CDK14: variants seen among roughly 807,000 people sequenced by gnomAD.
CDK14 encodes cyclin dependent kinase 14, also known as cyclin-dependent kinase 14.
In CDK14, 34 loss-of-function variants were observed where a neutral mutation model predicts 60.7. The ratio of observed to expected loss-of-function variants is 0.56; its 90% CI spans 0.43 to 0.75. The LOEUF (loss-of-function observed/expected upper bound fraction) is 0.75. Ranked by LOEUF, CDK14 falls within the 30% of genes least tolerant of loss-of-function variation. The pLI is 0.00. For synonymous variants in CDK14, 197 were observed against 203.7 expected (o/e 0.97, Z 0.28); for missense variants, 482 against 564.1 (o/e 0.85, Z 1.47).
intron 2 of CDK14, among the ~76,000 whole-genome samples, chr7:90,606,225 G>T (rs1209449102): frequency 6.6e-6 from 1 of 152,172 alleles, no homozygotes; most frequent in African/African-American, 2.4e-5. Context: ...AAGACTCAAG[G>T]CCAGAAAATC....
chr7:90,922,421 G>A (rs1049791965), intron 8 of CDK14, among the ~76,000 whole-genome samples: 1 of 151,756 alleles, frequency 6.6e-6, no homozygotes, highest in African/African-American at 2.4e-5. Flanking sequence ...CCAAAGAAAG[G>A]GTTTTTTTTT....
intron 11 of CDK14, among the ~76,000 whole-genome samples, chr7:91,073,023 A>G (rs1273204662): frequency 6.6e-6 from 1 of 152,202 alleles, no homozygotes; most frequent in Non-Finnish European, 1.5e-5. Context: ...AACTATGTAA[A>G]AAGACAGAAC....
chr7:90,968,381 A>G (rs1794819390), intron 9 of CDK14, among the ~76,000 whole-genome samples: 1 of 152,226 alleles, frequency 6.6e-6, no homozygotes, highest in African/African-American at 2.4e-5. Flanking sequence ...AAAATAAAAC[A>G]AAACGTATTC....
intron 11 of CDK14, among the ~76,000 whole-genome samples, chr7:91,068,025 T>G (rs1237845218): frequency 1.3e-5 from 2 of 152,226 alleles, no homozygotes; most frequent in African/African-American, 2.4e-5. Flanking sequence ...AAATGTCTCT[T>G]GCTTTCTTAA....
intron 11 of CDK14, among the ~76,000 whole-genome samples, chr7:91,048,114 A>G (rs1041530687): frequency 6.6e-6 from 1 of 152,186 alleles, no homozygotes; most frequent in Non-Finnish European, 1.5e-5. Flanking sequence ...ATATCAAGCA[A>G]TAGGAACAAG....
intron 14 of CDK14, among the ~76,000 whole-genome samples, chr7:91,205,673 G>T (rs1015308260): frequency 7.9e-5 from 12 of 152,156 alleles, no homozygotes; most frequent in African/African-American, 2.9e-4. Flanking sequence ...TCTTTTAAAT[G>T]ATTAATTTTT....
intron 14 of CDK14, among the ~76,000 whole-genome samples, chr7:91,144,766 GC>G (rs1800574527): frequency 6.6e-6 from 1 of 152,184 alleles, no homozygotes; most frequent in Non-Finnish European, 1.5e-5. Context: ...GTAGATATTG[GC>G]GGGCTTGGAA....
At chr7:90,970,688 T>G (rs899611058) in intron 9 of CDK14, among the ~76,000 whole-genome samples, 7 of 152,358 alleles carry the variant, frequency 4.6e-5, no homozygotes, top group African/African-American at 1.2e-4. Context: ...TTCTAAATTT[T>G]AGCATTCAAG....
chr7:90,598,703 G>A (rs986798752), intron 1 of CDK14, among the ~76,000 whole-genome samples: 2 of 18,624 alleles, frequency 1.1e-4, no homozygotes, highest in Non-Finnish European at 1.9e-4. Flanking sequence ...ATTATCTAAG[G>A]ATTTTTTTTT....
intron 6 of CDK14, among the ~76,000 whole-genome samples, chr7:90,894,472 A>G (rs1040800081): frequency 1.3e-5 from 2 of 152,148 alleles, no homozygotes; most frequent in African/African-American, 4.8e-5. Flanking sequence ...AAGGTTTAGG[A>G]AAGTCTTTTA....
chr7:90,838,924 G>C (rs963148155), intron 5 of CDK14, among the ~76,000 whole-genome samples: 10 of 152,060 alleles, frequency 6.6e-5, no homozygotes, highest in Non-Finnish European at 1.5e-4. Flanking sequence ...TGTGATCTCT[G>C]TGACCCACTC....
intron 14 of CDK14, among the ~76,000 whole-genome samples, chr7:91,191,965 A>G (rs955900498): frequency 2.6e-5 from 4 of 152,056 alleles, no homozygotes; most frequent in Non-Finnish European, 5.9e-5. Context: ...TACTATGGCA[A>G]CCTTATTCTG....
intron 8 of CDK14, among the ~76,000 whole-genome samples, chr7:90,947,917 A>G (rs1175542794): frequency 6.6e-6 from 1 of 152,216 alleles, no homozygotes; most frequent in Non-Finnish European, 1.5e-5. Context: ...TTTCTCTGAC[A>G]TAAATCACAG....
chr7:90,682,710 A>G (rs1247275279), intron 2 of CDK14, among the ~76,000 whole-genome samples: 2 of 152,166 alleles, frequency 1.3e-5, no homozygotes, highest in East Asian at 3.8e-4. Context: ...CCAAGTGTAG[A>G]ATCATGCATT....
intron 9 of CDK14, among the ~76,000 whole-genome samples, chr7:90,961,247 C>T (rs766724720): frequency 2.7e-4 from 41 of 152,134 alleles, no homozygotes; most frequent in Admixed American, 1.7e-3. Flanking sequence ...CTTTGCATAA[C>T]TAAAATATAG....
At chr7:90,952,187 G>T (rs1452145717) in intron 8 of CDK14, among the ~76,000 whole-genome samples, 11 of 152,128 alleles carry the variant, frequency 7.2e-5, no homozygotes, top group Non-Finnish European at 1.6e-4. Context: ...TTATGATGAG[G>T]CCTGAAGAGT....
chr7:91,196,505 A>G (rs1562990916), intron 14 of CDK14, among the ~76,000 whole-genome samples: 1 of 152,206 alleles, frequency 6.6e-6, no homozygotes, highest in African/African-American at 2.4e-5. Flanking sequence ...CTCCTTCACC[A>G]CTGATCTTAT....
At chr7:91,102,705 C>T (rs1330802005) in intron 12 of CDK14, among the ~76,000 whole-genome samples, 1 of 151,588 alleles carries the variant, frequency 6.6e-6, no homozygotes, top group African/African-American at 2.4e-5. Flanking sequence ...AACTTCCTTC[C>T]CACTTCAAAA....
At chr7:90,928,852 G>A (rs1223604115) in intron 8 of CDK14, among the ~76,000 whole-genome samples, 3 of 152,198 alleles carry the variant, frequency 2.0e-5, no homozygotes, top group African/African-American at 4.8e-5. Context: ...AGGCTTCCTT[G>A]AGCTGCAGTG....
Sources: allele counts gnomAD v4.1 joint callset (sites outside exome capture counted in the v4.1 genomes callset), GRCh38; gene constraint gnomAD v4.1.1; transcripts MANE v1.5; gene names NCBI Gene and HGNC (gene_info 2026-07-23, HGNC 2026-07-21).